FHL2: variants seen among roughly 807,000 people sequenced by gnomAD.
FHL2 encodes four and a half LIM domains protein 2.
FHL2 carries 20 observed loss-of-function variants against 32.7 expected under a neutral mutation model. The observed-to-expected ratio is 0.61, with a 90% CI of 0.43 to 0.89. The LOEUF (loss-of-function observed/expected upper bound fraction) is 0.89. FHL2 is among the 40% of genes least tolerant of loss of function. The pLI is 0.00. For synonymous variants in FHL2, 123 were observed against 128.1 expected, an observed-to-expected ratio of 0.96 and a Z score of 0.27; for missense variants, 311 against 358.6, an observed-to-expected ratio of 0.87 and a Z score of 1.07.
chr2:105,422,005 C>A (rs571942373), intron 1 of FHL2, among the ~76,000 whole-genome samples: 1 of 152,168 alleles, frequency 6.6e-6, no homozygotes, highest in African/African-American at 2.4e-5. Context: ...GGTCCTGTTG[C>A]GTGCATTGGC....
intron 1 of FHL2, among the ~76,000 whole-genome samples, chr2:105,397,888 G>GTTTTTTTT (rs55868128): frequency 7.2e-6 from 1 of 138,574 alleles, no homozygotes; most frequent in African/African-American, 2.9e-5. Flanking sequence ...TTTGTTTTTT[G>GTTTTTTTT]TTTTTTTTTG....
intron 2 of FHL2, among the ~76,000 whole-genome samples, chr2:105,389,629 G>A (rs775482028): frequency 6.6e-5 from 10 of 152,168 alleles, no homozygotes; most frequent in African/African-American, 1.9e-4. Flanking sequence ...TGAAGCCCAC[G>A]CATATTTATG....
intron 2 of FHL2, among the ~76,000 whole-genome samples, chr2:105,386,860 G>T (rs1682363117): frequency 6.7e-6 from 1 of 149,228 alleles, no homozygotes; most frequent in African/African-American, 2.5e-5. Flanking sequence ...CGCCTCCCAG[G>T]TTCAAGTGAT....
At chr2:105,426,217 TA>T (rs1275679663) in intron 1 of FHL2, among the ~76,000 whole-genome samples, 1 of 152,182 alleles carries the variant, frequency 6.6e-6, no homozygotes, top group Non-Finnish European at 1.5e-5. Flanking sequence ...TCTGCTGCCA[TA>T]AGGAAGTGAG....
At chr2:105,400,414 G>A (rs1014789583), upstream of FHL2, among the ~76,000 whole-genome samples, 1 of 150,744 alleles carries the variant, frequency 6.6e-6, no homozygotes. Context: ...ACGCTTTCCT[G>A]AAGAACCTGA....
intron 1 of FHL2, among the ~76,000 whole-genome samples, chr2:105,415,168 C>T (rs2139113): frequency 3.3e-5 from 5 of 152,146 alleles, no homozygotes; most frequent in African/African-American, 7.2e-5. Context: ...ATGGAGCAAG[C>T]GCTACACCGC....
At chr2:105,373,756 A>G (rs1218024382) in intron 3 of FHL2, 23 bp from the exon 4 acceptor site, 5 of 1,612,914 alleles carry the variant, frequency 3.1e-6, no homozygotes, top group Middle Eastern at 3.8e-4. Context: ...ACCACACAAG[A>G]CAGTCAGAGG....
At chr2:105,422,319 C>T (rs933242694) in intron 1 of FHL2, among the ~76,000 whole-genome samples, 4 of 152,106 alleles carry the variant, frequency 2.6e-5, no homozygotes, top group East Asian at 1.9e-4. Flanking sequence ...AAGTTGGTGG[C>T]AAGATGCATA....
upstream of FHL2, among the ~76,000 whole-genome samples, chr2:105,399,886 G>A (rs563263881): frequency 1.1e-4 from 16 of 152,318 alleles, no homozygotes; most frequent in South Asian, 2.9e-3. Context: ...CCACAAAGGC[G>A]TCCTCGGCAC....
At chr2:105,372,999 C>G (rs1171238197) in intron 4 of FHL2, among the ~76,000 whole-genome samples, 4 of 152,194 alleles carry the variant, frequency 2.6e-5, no homozygotes, top group Admixed American at 2.0e-4. Flanking sequence ...GGACACAGTC[C>G]CATCAACACA....
chr2:105,407,391 CA>C (rs35638962), intron 1 of FHL2, among the ~76,000 whole-genome samples: 15,275 of 78,436 alleles, frequency 0.19, 737 homozygotes, highest in Middle Eastern at 0.22. Context: ...GACTCTGTCT[CA>C]AAAAAAAAAA....
intron 1 of FHL2, among the ~76,000 whole-genome samples, chr2:105,423,605 A>T (rs6746252): frequency 6.6e-6 from 1 of 151,976 alleles, no homozygotes; most frequent in Non-Finnish European, 1.5e-5. Context: ...TACTTCCATC[A>T]CACTACCTGA....
rs1337578486 is a variant in FHL2, at chr2:105,396,438, T to G, written c.-25+209A>C. ...CTTCAACTGTTTGGACAAGGCCCAC[T>G]CACATTATGGAGAGCAGCCTGCTTT... is the stretch of plus-strand genomic sequence containing the variant. On this transcript the variant is annotated intron_variant, in intron 2 of 6. Transcript: ENST00000530340. Among the ~76,000 whole-genome samples, 3 of 152,312 alleles carry G rather than the reference T, an allele frequency of 2.0e-5. No homozygotes were observed. The East Asian group carries it at 5.8e-4, about 29-fold the overall frequency.
chr2:105,379,485 A>G (rs1379234148), intron 3 of FHL2, among the ~76,000 whole-genome samples: 1 of 152,176 alleles, frequency 6.6e-6, no homozygotes, highest in Non-Finnish European at 1.5e-5. Context: ...TTAATTCTTC[A>G]TACCTATTTT....
intron 2 of FHL2, among the ~76,000 whole-genome samples, chr2:105,391,744 G>T (rs1264920867): frequency 6.6e-6 from 1 of 152,106 alleles, no homozygotes; most frequent in Non-Finnish European, 1.5e-5. Context: ...AGGACATCTT[G>T]GTTCTACAAG....
downstream of FHL2, chr2:105,358,258 G>T (rs1680092283): frequency 6.6e-6 from 1 of 152,244 alleles, no homozygotes; most frequent in South Asian, 2.1e-4. Flanking sequence ...TAACTGCTGG[G>T]TTACCAGTCT....
At position 105,434,579 on chromosome 2, in the gene FHL2, AAAAC is replaced by A. The variant is rs550882521; in HGVS notation, c.-25+3816_-25+3819del. 1.8e-3 allele frequency among the ~76,000 whole-genome samples: 267 copies of A among 152,114 alleles called. 1 individual carries two copies. The highest frequency in any genetic ancestry group is 5.9e-3 in the African/African-American group (244 of 41,520). ...TGAGACTCCATCTCAAAAAAAAAACAAAACAAACAAACAAAAAAAACAAGACATT... is the reference window on the plus strand; with the variant it reads ...TGAGACTCCATCTCAAAAAAAAAACAAAACAAACAAAAAAAACAAGACATT... On this transcript the variant is annotated intron_variant, in intron 1 of 5. Coordinates refer to the FHL2 transcript ENST00000393352.
In FHL2 at chr2:105,422,326, C is replaced by T. The variant is rs1403928981; in HGVS notation, c.-25+16073G>A. 2.0e-5 allele frequency among the ~76,000 whole-genome samples: 3 copies of T among 152,146 alleles called. No homozygotes were observed. In the East Asian group the frequency reaches 5.8e-4, roughly 29 times the overall value. On this transcript the variant is annotated intron_variant, in intron 1 of 5. Transcript: ENST00000393352. ...GCATTCTCAAGTTGGTGGCAAGATG[C>T]ATATGGAGGTGCATGTCATGTGCAT... is the stretch of plus-strand genomic sequence containing the variant.
intron 5 of FHL2, among the ~76,000 whole-genome samples, chr2:105,366,644 CAG>C (rs1177721663): frequency 2.6e-5 from 4 of 152,336 alleles, no homozygotes; most frequent in Middle Eastern, 3.4e-3. Context: ...GGCAACTGGG[CAG>C]AGAGATGGCT....
Sources: allele counts gnomAD v4.1 joint callset (sites outside exome capture counted in the v4.1 genomes callset), GRCh38; gene constraint gnomAD v4.1.1; transcripts MANE v1.5; gene names NCBI Gene and HGNC (gene_info 2026-07-23, HGNC 2026-07-21).